PDHX: variants seen among roughly 807,000 people sequenced by gnomAD.
PDHX encodes the protein pyruvate dehydrogenase complex component X, also known as pyruvate dehydrogenase protein X component, mitochondrial.
A neutral mutation model predicts 55.3 loss-of-function variants in PDHX; 33 were observed. The observed-to-expected ratio is 0.60, with a 90% confidence interval of 0.45 to 0.80. PDHX has a LOEUF of 0.80. PDHX is among the 30% of genes least tolerant of loss of function. The pLI, the probability that PDHX is intolerant of heterozygous loss-of-function variation, is 0.00. For synonymous variants in PDHX, 226 were observed against 219.4 expected, an observed-to-expected ratio of 1.03 and a Z score of -0.27; for missense variants, 622 against 619.9, an observed-to-expected ratio of 1.00 and a Z score of -0.04.
At chr11:34,926,072 G>T (rs1854012121) in intron 1 of PDHX, among the ~76,000 whole-genome samples, 1 of 152,018 alleles carries the variant, frequency 6.6e-6, no homozygotes, top group African/African-American at 2.4e-5. Context: ...ATTTTCTGTT[G>T]TGGTCCATTG....
At chr11:34,984,545 A>G (rs759351155) in intron 8 of PDHX, 25 bp from the exon 9 acceptor site, 2 of 1,612,204 alleles carry the variant, frequency 1.2e-6, no homozygotes, top group East Asian at 2.2e-5. Context: ...CTTTTTTAGT[A>G]ACATTTTTCT....
chr11:34,934,024 C>T (rs1830299238), intron 2 of PDHX, among the ~76,000 whole-genome samples: 1 of 152,122 alleles, frequency 6.6e-6, no homozygotes, highest in African/African-American at 2.4e-5. Flanking sequence ...TTTTCTCTAC[C>T]TCTTCTGCTA....
intron 1 of PDHX, 32 bp from the exon 2 acceptor site, chr11:34,931,372 T>G (rs1334213336): frequency 8.3e-7 from 1 of 1,203,410 alleles, no homozygotes; most frequent in South Asian, 1.2e-5. Context: ...CATTATTTGT[T>G]GTGGCTCATC....
upstream of PDHX, chr11:34,916,053 C>T (rs904375023): frequency 7.3e-6 from 6 of 818,120 alleles, no homozygotes; most frequent in South Asian, 3.6e-5. Context: ...TGGGGCCTCG[C>T]AGCCTTGCTT....
At chr11:34,950,418 A>C (rs989944504) in intron 3 of PDHX, among the ~76,000 whole-genome samples, 26 of 150,632 alleles carry the variant, frequency 1.7e-4, no homozygotes, top group Non-Finnish European at 3.0e-4. Flanking sequence ...GTACATGTGC[A>C]CAATGTGCAG....
At chr11:34,965,615 G>C (rs1303604661) in intron 5 of PDHX, among the ~76,000 whole-genome samples, 1 of 152,144 alleles carries the variant, frequency 6.6e-6, no homozygotes, top group Non-Finnish European at 1.5e-5. Flanking sequence ...ACAGTCAAGA[G>C]GGATGATATG....
chr11:34,949,300 C>G (rs975004356), intron 3 of PDHX, among the ~76,000 whole-genome samples: 1 of 127,772 alleles, frequency 7.8e-6, no homozygotes, highest in African/African-American at 4.1e-5. Flanking sequence ...CCAGGCTGGA[C>G]ACGATCTTGG....
At chr11:34,991,556 A>C (rs1855758187) in intron 9 of PDHX, among the ~76,000 whole-genome samples, 1 of 152,022 alleles carries the variant, frequency 6.6e-6, no homozygotes, top group African/African-American at 2.4e-5. Flanking sequence ...ATAAAAACGG[A>C]ATGTTGGTTG....
At chr11:34,983,905 A>G (rs1320414597) in intron 8 of PDHX, among the ~76,000 whole-genome samples, 3 of 152,228 alleles carry the variant, frequency 2.0e-5, no homozygotes, top group African/African-American at 7.2e-5. Context: ...GAGTTTCTTC[A>G]AAGAATTGGA....
In PDHX at chr11:34,956,846, AC is replaced by A. The variant is rs151079020; in HGVS notation, c.343-537del. ...AAGAAGTAGACTATATTTAACATTA[AC>A]TGGAATAGTTAACCAGTTCTATCTA... On this transcript the variant is annotated intron_variant, in intron 3 of 10. Transcript: ENST00000227868. Among the ~76,000 whole-genome samples the A allele has an allele frequency of 5.2e-3, 793 of 152,286 alleles. 6 individuals carry two copies. The highest frequency in any genetic ancestry group is 0.018 in the African/African-American group (749 of 41,578).
chr11:34,945,499 T>C (rs1264714798), intron 2 of PDHX, among the ~76,000 whole-genome samples: 8 of 152,186 alleles, frequency 5.3e-5, no homozygotes, highest in Admixed American at 3.9e-4. Context: ...TTTGGCAGCA[T>C]ACAAAATTCT....
intron 1 of PDHX, among the ~76,000 whole-genome samples, chr11:34,922,910 T>C (rs1853927365): frequency 6.9e-6 from 1 of 144,362 alleles, no homozygotes; most frequent in South Asian, 2.3e-4. Context: ...ATGTATTCTT[T>C]TGCTAGGCTG....
upstream of PDHX, chr11:34,916,265 C>G: frequency 6.2e-7 from 1 of 1,612,680 alleles, no homozygotes; most frequent in Non-Finnish European, 8.5e-7. Flanking sequence ...GTCTCCCTCC[C>G]GAGCATCACA....
intron 5 of PDHX, among the ~76,000 whole-genome samples, chr11:34,964,845 A>G (rs1855096384): frequency 3.1e-5 from 4 of 127,296 alleles, no homozygotes; most frequent in Non-Finnish European, 4.7e-5. Flanking sequence ...TTAGCTAGCT[A>G]TTAGCATATT....
intron 9 of PDHX, among the ~76,000 whole-genome samples, chr11:34,985,523 A>T (rs951236456): frequency 6.6e-6 from 1 of 152,208 alleles, no homozygotes; most frequent in Non-Finnish European, 1.5e-5. Flanking sequence ...TGTAACTCCA[A>T]TGTGTAGGAA....
chr11:34,995,217 G>A lies in PDHX; in HGVS notation c.*45G>A. 1 of 1,601,232 alleles carries A rather than the reference G, an allele frequency of 6.2e-7. No homozygotes were observed. The highest frequency in any genetic ancestry group is 8.6e-7 in the Non-Finnish European group (1 of 1,169,560). On this transcript the variant is annotated 3_prime_UTR_variant, in exon 11 of 11. Transcript: ENST00000227868. Reference sequence around the variant, plus strand: ...GGTGTTCAGCTTAGTTGATTCAGTAGTTGTTACCAAGAAACATATGTTATA... The same window carrying A: ...GGTGTTCAGCTTAGTTGATTCAGTAATTGTTACCAAGAAACATATGTTATA...
At chr11:34,982,793 C>G (rs2767040) in intron 8 of PDHX, among the ~76,000 whole-genome samples, 91,018 of 151,890 alleles carry the variant, frequency 0.6, 28,798 homozygotes, top group East Asian at 0.75. Flanking sequence ...AGCTTACCAA[C>G]TAAAAAAAGT....
At position 34,966,822 on chromosome 11, in the gene PDHX, T is replaced by A. The variant is rs1295422232; in HGVS notation, c.816+8T>A. ...GGACAACCCAATGCAGTGGTAGTGT[T>A]CTCTAAGTGGATTTTTATTTCTTTT... On this transcript the variant is annotated splice_region_variant and intron_variant, in intron 6 of 10. Coordinates refer to ENST00000227868, the MANE Select transcript of PDHX (RefSeq NM_003477.3). 5 of 1,609,528 alleles carry A rather than the reference T, an allele frequency of 3.1e-6. No individual in the cohort carries two copies. The highest frequency in any genetic ancestry group is 4.3e-6 in the Non-Finnish European group (5 of 1,176,000).
At chr11:34,948,334 A>C (rs1854675058) in intron 3 of PDHX, among the ~76,000 whole-genome samples, 1 of 152,216 alleles carries the variant, frequency 6.6e-6, no homozygotes, top group African/African-American at 2.4e-5. Context: ...CTGGATAATA[A>C]GTATCCATTT....
Sources: gnomAD v4.1 joint callset for allele counts (sites outside exome capture counted in the v4.1 genomes callset) on GRCh38, gnomAD v4.1.1 for gene constraint, MANE v1.5 for transcripts, NCBI Gene and HGNC (gene_info 2026-07-23, HGNC 2026-07-21) for gene names.